SCML4: variants seen among roughly 807,000 people sequenced by gnomAD.
SCML4 encodes the protein Scm polycomb group protein like 4, also known as sex comb on midleg-like protein 4.
In SCML4, 34 loss-of-function variants were observed where a neutral mutation model predicts 41.1. The observed-to-expected ratio is 0.83, with a 90% CI of 0.63 to 1.10. SCML4 has a LOEUF of 1.10. SCML4 is among the 50% of genes least tolerant of loss of function. The pLI, the probability that SCML4 is intolerant of heterozygous loss-of-function variation, is 0.00. For missense variants in SCML4, 522 were observed against 534.1 expected (o/e 0.98, Z 0.22); for synonymous variants, 214 against 220.9 (o/e 0.97, Z 0.28).
At chr6:107,834,646 G>T in the SCML4 span, among the ~76,000 whole-genome samples, 1 of 152,114 alleles carries the variant, frequency 6.6e-6, no homozygotes, top group Non-Finnish European at 1.5e-5. Context: ...CCAACAAACA[G>T]GAAGAAAAAG....
At chr6:107,712,681 A>G (rs1253874770) in intron 6 of SCML4, among the ~76,000 whole-genome samples, 2 of 152,202 alleles carry the variant, frequency 1.3e-5, no homozygotes, top group African/African-American at 4.8e-5. Context: ...TCCAAAGCAC[A>G]TAGATTCGCT....
the SCML4 span, among the ~76,000 whole-genome samples, chr6:107,841,391 C>T: frequency 6.6e-6 from 1 of 152,194 alleles, no homozygotes. Flanking sequence ...TGTAAATCGG[C>T]CAAGTACCAC....
intron 1 of SCML4, among the ~76,000 whole-genome samples, chr6:107,821,479 C>G (rs1437460137): frequency 2.0e-5 from 3 of 152,240 alleles, no homozygotes; most frequent in Admixed American, 6.5e-5. Context: ...CCAAAGGCAA[C>G]TGCTTTCACA....
Position 107,746,781 on chromosome 6 carries a change from T to C in SCML4, c.395A>G (p.Gln132Arg). 6.2e-7 allele frequency: 1 copy of C among 1,613,802 alleles called. No individual in the cohort carries two copies. Among genetic ancestry groups the C allele is most frequent in the Non-Finnish European group, 8.5e-7 (1 of 1,179,942 alleles). Residue 132 changes from glutamine to arginine, a missense_variant, in exon 4 of 8, where the codon CAG (glutamine) becomes CGG (arginine). Coordinates refer to ENST00000369020, the MANE Select transcript of SCML4 (RefSeq NM_198081.5). The part of the protein sequence containing the change: ...FGPERPSAVL[Q>R]QAVQACIDCA... ...GTCGATGCAGGCTTGGACGGCCTGC[T>C]GCAGCACCGCCGATGGCCGCTCGGG...
At chr6:107,836,449 A>G in the SCML4 span, among the ~76,000 whole-genome samples, 1 of 152,110 alleles carries the variant, frequency 6.6e-6, no homozygotes, top group African/African-American at 2.4e-5. Context: ...TTCAGACCTC[A>G]AGTCCAATGT....
chr6:107,753,966 T>C (rs1401253377), intron 2 of SCML4, among the ~76,000 whole-genome samples: 2 of 152,298 alleles, frequency 1.3e-5, no homozygotes, highest in East Asian at 3.9e-4. Flanking sequence ...TCCCATGGCT[T>C]CCAATTTCCC....
rs112774914 is a variant in SCML4 at position 107,727,333 on chromosome 6, C to T, written c.683-6340G>A. ...TGAAAGTATTCTACAATTGACTGTGCTGATAGCTGCGCATATCTATATACT... is the reference window on the plus strand; with the variant it reads ...TGAAAGTATTCTACAATTGACTGTGTTGATAGCTGCGCATATCTATATACT... On this transcript the variant is annotated intron_variant, in intron 5 of 7. Transcript: ENST00000369020. Among the ~76,000 whole-genome samples, 157 of 152,294 alleles carry T rather than the reference C, an allele frequency of 1.0e-3. 3 individuals are homozygous for T. Among genetic ancestry groups the T allele is most frequent in the African/African-American group, 3.6e-3 (151 of 41,554 alleles).
chr6:107,798,838 T>C (rs1025225882), intron 1 of SCML4, among the ~76,000 whole-genome samples: 3 of 152,142 alleles, frequency 2.0e-5, no homozygotes, highest in Admixed American at 6.5e-5. Context: ...ATTTTCCTGG[T>C]GATTTCTTCC....
chr6:107,705,807 TGTG>T (rs1223666238), intron 7 of SCML4, among the ~76,000 whole-genome samples: 1 of 152,114 alleles, frequency 6.6e-6, no homozygotes, highest in East Asian at 1.9e-4. Context: ...AGATTTCAGG[TGTG>T]TTTAGCCCTG....
At chr6:107,764,295 G>C (rs1186328452) in intron 2 of SCML4, among the ~76,000 whole-genome samples, 1 of 152,222 alleles carries the variant, frequency 6.6e-6, no homozygotes, top group Non-Finnish European at 1.5e-5. Context: ...CTTGAGGCCT[G>C]CTTTGGTCAA....
chr6:107,705,084 G>T lies in SCML4; in HGVS notation c.*116C>A. ...AGTTTTATAAAAAGACCACGTCTCT[G>T]TGGCTGTTAATTTTAAGAGGAGAGT... On this transcript the variant is annotated 3_prime_UTR_variant, in exon 8 of 8. Coordinates refer to ENST00000369020, the MANE Select transcript of SCML4 (RefSeq NM_198081.5). 2 of 952,150 alleles carry T rather than the reference G, an allele frequency of 2.1e-6. No individual in the cohort carries two copies. Among genetic ancestry groups the T allele is most frequent in the Middle Eastern group, 2.2e-4 (1 of 4,508 alleles). 59.0% of individuals were successfully genotyped at this position (952,150 alleles called of 1,614,324 possible).
chr6:107,830,103 ACCCAAGG>A, the SCML4 span, among the ~76,000 whole-genome samples: 1 of 151,876 alleles, frequency 6.6e-6, no homozygotes, highest in African/African-American at 2.4e-5. Flanking sequence ...ATCCTTCCCC[ACCCAAGG>A]GCCTCTGAAG....
chr6:107,832,253 A>C, the SCML4 span, among the ~76,000 whole-genome samples: 1 of 152,148 alleles, frequency 6.6e-6, no homozygotes, highest in Admixed American at 6.5e-5. Context: ...AATAAAAATA[A>C]AAATAAAGGG....
intron 2 of SCML4, among the ~76,000 whole-genome samples, chr6:107,750,081 G>T (rs760370287): frequency 3.9e-5 from 6 of 152,200 alleles, no homozygotes; most frequent in Non-Finnish European, 5.9e-5. Context: ...AGCACACAGA[G>T]GTGTGAAGAG....
rs1026390467 is a variant in SCML4 at position 107,772,236 on chromosome 6, G to A, written c.92C>T (p.Ala31Val). The A allele has an allele frequency of 1.1e-5, 17 of 1,551,654 alleles. No individual in the cohort carries two copies. The highest frequency in any genetic ancestry group is 1.5e-5 in the Non-Finnish European group (17 of 1,146,984). Residue 31 changes from alanine (A) to valine (V), a missense_variant, in exon 2 of 8, where the codon GCT becomes GTT. Coordinates refer to ENST00000369020, the MANE Select transcript of SCML4 (RefSeq NM_198081.5). Reference protein sequence around the residue: ...MKMAVHNLYSASAGSLPAVKI... With the variant: ...MKMAVHNLYSVSAGSLPAVKI... ...CACTGCTGGTAAAGAGCCAGCTGAA[G>A]CAGAATAAAGGTTATGAACTGCCAT...
intron 5 of SCML4, among the ~76,000 whole-genome samples, chr6:107,721,594 C>T (rs1193524195): frequency 6.6e-6 from 1 of 152,160 alleles, no homozygotes; most frequent in Non-Finnish European, 1.5e-5. Context: ...ACAGTCTCTG[C>T]TGGCTTCTCA....
chr6:107,830,186 C>CATAGGAAGTGGTGCTAAAGAT, the SCML4 span, among the ~76,000 whole-genome samples: 5 of 151,340 alleles, frequency 3.3e-5, no homozygotes, highest in South Asian at 1.1e-3. Context: ...GTGCTAAAGA[C>CATAGGAAGTGGTGCTAAAGAT]ATAGGAAGTT....
intron 1 of SCML4, among the ~76,000 whole-genome samples, chr6:107,782,230 T>C (rs1781559652): frequency 6.6e-6 from 1 of 152,238 alleles, no homozygotes. Context: ...AAAGTTTTCC[T>C]GGCCTGGCTC....
intron 2 of SCML4, among the ~76,000 whole-genome samples, chr6:107,754,062 G>A (rs1778909534): frequency 6.6e-6 from 1 of 152,186 alleles, no homozygotes; most frequent in Admixed American, 6.5e-5. Context: ...ATGGAGCACG[G>A]CTGCTGAGCA....
Sources: gnomAD v4.1 joint callset for allele counts (sites outside exome capture counted in the v4.1 genomes callset) on GRCh38, gnomAD v4.1.1 for gene constraint, MANE v1.5 for transcripts, NCBI Gene and HGNC (gene_info 2026-07-23, HGNC 2026-07-21) for gene names.